The following GRHL2 variants were observed in gnomAD, a reference collection of about 807,000 sequenced individuals.
The protein encoded by GRHL2 is grainyhead like transcription factor 2.
Under a neutral mutation model 83.8 loss-of-function variants are expected in GRHL2, and 21 were observed. The ratio of observed to expected loss-of-function variants is 0.25; its 90% CI spans 0.18 to 0.36. The LOEUF (loss-of-function observed/expected upper bound fraction) is 0.36. GRHL2 is among the 10% of genes least tolerant of loss of function. The probability of loss-of-function intolerance (pLI) is 1.00; values close to 1 mark genes in which losing one functional copy is unlikely to be tolerated. For synonymous variants in GRHL2, 280 were observed against 278.9 expected (o/e 1.00, Z -0.04); for missense variants, 623 against 781.8 (o/e 0.80, Z 2.42).
intron 7 of GRHL2, among the ~76,000 whole-genome samples, chr8:101,580,064 A>G (rs1812018422): frequency 6.6e-6 from 1 of 152,194 alleles, no homozygotes; most frequent in Admixed American, 6.5e-5. Context: ...AATCTCCACC[A>G]GCATCTATGA....
intron 1 of GRHL2, among the ~76,000 whole-genome samples, chr8:101,502,726 A>ACCTCCT (rs539176678): frequency 4.0e-5 from 6 of 149,506 alleles, no homozygotes; most frequent in African/African-American, 1.2e-4. Context: ...GAAAGGGATG[A>ACCTCCT]CCTCCTCCTC....
At chr8:101,508,717 G>T (rs1183030200) in intron 1 of GRHL2, among the ~76,000 whole-genome samples, 2 of 152,086 alleles carry the variant, frequency 1.3e-5, no homozygotes, top group Non-Finnish European at 2.9e-5. Flanking sequence ...AGTTCAGGAT[G>T]AATACATCCA....
At chr8:101,617,210 G>A (rs1454094164) in intron 8 of GRHL2, among the ~76,000 whole-genome samples, 1 of 152,040 alleles carries the variant, frequency 6.6e-6, no homozygotes, top group Non-Finnish European at 1.5e-5. Context: ...ATCGTTGTTG[G>A]GCACTTGTTT....
In GRHL2 at chr8:101,650,587, T is replaced by C. The variant is rs1407291582; in HGVS notation, c.1698+1088T>C. 2.6e-5 allele frequency among the ~76,000 whole-genome samples: 4 copies of C among 152,038 alleles called. 1 individual carries two copies. Among genetic ancestry groups the C allele is most frequent in the South Asian group, 4.1e-4 (2 of 4,820 alleles). ...GCCACATGTGGTATGATTCAATTTA[T>C]AGGACATATTGAGAATAAGCAAATC... On this transcript the variant is annotated intron_variant, in intron 14 of 15. Transcript: ENST00000646743.
At chr8:101,599,944 T>C (rs1324803506) in intron 8 of GRHL2, among the ~76,000 whole-genome samples, 1 of 152,338 alleles carries the variant, frequency 6.6e-6, no homozygotes, top group South Asian at 2.1e-4. Flanking sequence ...AGGTGCCAGA[T>C]GAAACCTAAG....
chr8:101,652,589 T>TG (rs1586173783), intron 14 of GRHL2, among the ~76,000 whole-genome samples: 1 of 62,690 alleles, frequency 1.6e-5, no homozygotes, highest in East Asian at 4.4e-4. Flanking sequence ...GTGTGGTGTC[T>TG]GTGTGTGTGT....
intron 8 of GRHL2, among the ~76,000 whole-genome samples, chr8:101,599,540 C>G (rs921065079): frequency 6.6e-6 from 1 of 152,202 alleles, no homozygotes; most frequent in African/African-American, 2.4e-5. Context: ...GACCCCTGAC[C>G]CCATAGCCCC....
At chr8:101,529,864 C>T (rs952889404) in intron 1 of GRHL2, among the ~76,000 whole-genome samples, 5 of 152,116 alleles carry the variant, frequency 3.3e-5, no homozygotes, top group Admixed American at 2.0e-4. Flanking sequence ...TGTATATATA[C>T]AAGTGAGGCC....
intron 1 of GRHL2, among the ~76,000 whole-genome samples, chr8:101,508,997 T>G (rs2129997170): frequency 6.6e-6 from 1 of 152,148 alleles, no homozygotes; most frequent in South Asian, 2.1e-4. Flanking sequence ...TCTTCAAATT[T>G]TGTACTTTTA....
chr8:101,576,005 T>C (rs1811925814), intron 6 of GRHL2, among the ~76,000 whole-genome samples: 1 of 152,240 alleles, frequency 6.6e-6, no homozygotes, highest in African/African-American at 2.4e-5. Flanking sequence ...ACACATACTT[T>C]AGGCAAGAGC....
chr8:101,667,587 C>T lies in GRHL2; in HGVS notation c.*884C>T, dbSNP rs1172081432. On this transcript the variant is annotated 3_prime_UTR_variant, in exon 16 of 16. Transcript: ENST00000646743. ...TCGTTCCCTGTCCCCAGAGGAAGCC[C>T]CCTCTCCTTCTCCATGGGCATGACT... The T allele has an allele frequency of 6.6e-6, 1 of 152,414 alleles. No individual in the cohort carries two copies. The highest frequency in any genetic ancestry group is 1.5e-5 in the Non-Finnish European group (1 of 68,116). 9.4% of individuals were successfully genotyped at this position (152,414 alleles called of 1,614,324 possible).
intron 1 of GRHL2, among the ~76,000 whole-genome samples, chr8:101,511,626 G>A (rs1810467366): frequency 6.6e-6 from 1 of 151,890 alleles, no homozygotes; most frequent in South Asian, 2.1e-4. Context: ...TGGGATTATA[G>A]GCATGAGCCA....
chr8:101,503,085 T>C (rs1810264983), intron 1 of GRHL2, among the ~76,000 whole-genome samples: 1 of 152,190 alleles, frequency 6.6e-6, no homozygotes, highest in South Asian at 2.1e-4. Context: ...TCCTCTGGTA[T>C]CCTACTGTGT....
At chr8:101,504,832 TG>T (rs1178166101) in intron 1 of GRHL2, among the ~76,000 whole-genome samples, 1 of 151,984 alleles carries the variant, frequency 6.6e-6, no homozygotes, top group Non-Finnish European at 1.5e-5. Context: ...GCGTCTTTAA[TG>T]GAAGTGTTGT....
At position 101,609,663 on chromosome 8, in the gene GRHL2, G is replaced by T. The variant is rs572278833; in HGVS notation, c.1099-9876G>T. 9.3e-5 allele frequency among the ~76,000 whole-genome samples: 14 copies of T among 151,006 alleles called. 1 individual carries two copies. Among genetic ancestry groups the T allele is most frequent in the African/African-American group, 3.2e-4 (13 of 40,444 alleles). On this transcript the variant is annotated intron_variant, in intron 8 of 15. Transcript: ENST00000646743. ...ATACTTTTTTAAAGGGAGAGAGAAA[G>T]CGATCTTCGGACTTTATTGTTAAGT...
intron 5 of GRHL2, among the ~76,000 whole-genome samples, chr8:101,572,999 A>G (rs988714871): frequency 2.0e-5 from 3 of 152,142 alleles, no homozygotes; most frequent in African/African-American, 4.8e-5. Flanking sequence ...GTTCCAATAA[A>G]CCTTTATTTA....
chr8:101,531,851 G>A (rs964284972), intron 1 of GRHL2, among the ~76,000 whole-genome samples: 6 of 152,096 alleles, frequency 3.9e-5, no homozygotes, highest in Non-Finnish European at 7.4e-5. Context: ...CATGCTTCAA[G>A]TAGTAGATCA....
chr8:101,511,071 G>A (rs1366923674), intron 1 of GRHL2, among the ~76,000 whole-genome samples: 2 of 151,958 alleles, frequency 1.3e-5, no homozygotes, highest in Non-Finnish European at 2.9e-5. Context: ...ACTGCACTCC[G>A]GCCTGGGCAA....
At chr8:101,680,826 A>G in the GRHL2 span, among the ~76,000 whole-genome samples, 10 of 125,774 alleles carry the variant, frequency 8.0e-5, no homozygotes, top group Admixed American at 2.5e-4. Flanking sequence ...CTGAATGACT[A>G]CTGGGTACAT....
Sources: gnomAD v4.1 joint callset for allele counts (sites outside exome capture counted in the v4.1 genomes callset) on GRCh38, gnomAD v4.1.1 for gene constraint, MANE v1.5 for transcripts, NCBI Gene and HGNC (gene_info 2026-07-23, HGNC 2026-07-21) for gene names.